Variants in MICAL3 observed in about 807,000 individuals in gnomAD.
MICAL3 encodes [F-actin]-monooxygenase MICAL3.
MICAL3 carries 62 observed loss-of-function variants against 207.4 expected under a neutral mutation model. The ratio of observed to expected loss-of-function variants is 0.30; its 90% CI spans 0.24 to 0.37. The LOEUF is 0.37. Among genes scored for constraint, MICAL3 ranks in the 10% least tolerant of loss-of-function variants. The pLI, the probability that MICAL3 is intolerant of heterozygous loss-of-function variation, is 1.00. For missense variants in MICAL3, 2,368 were observed against 2,635.6 expected, an observed-to-expected ratio of 0.90 and a Z score of 2.22; for synonymous variants, 1,077 against 1,069.3, an observed-to-expected ratio of 1.01 and a Z score of -0.14.
intron 3 of MICAL3, among the ~76,000 whole-genome samples, chr22:17,904,420 T>TAC (rs972188843): frequency 6.6e-6 from 1 of 152,214 alleles, no homozygotes; most frequent in African/African-American, 2.4e-5. Flanking sequence ...AGGTTATCGA[T>TAC]ACACTCACAT....
intron 1 of MICAL3, among the ~76,000 whole-genome samples, chr22:17,962,279 G>A (rs1228880960): frequency 3.3e-5 from 5 of 152,350 alleles, no homozygotes; most frequent in Admixed American, 6.5e-5. Context: ...CAGGCAGGCT[G>A]TCGGGGTACA....
chr22:17,972,678 G>A (rs978446453), intron 1 of MICAL3, among the ~76,000 whole-genome samples: 3 of 152,174 alleles, frequency 2.0e-5, no homozygotes, highest in African/African-American at 7.2e-5. Flanking sequence ...GAGTAAGACT[G>A]TCTGCCCCAG....
intron 1 of MICAL3, among the ~76,000 whole-genome samples, chr22:17,940,299 G>A (rs1933748215): frequency 6.6e-6 from 1 of 152,234 alleles, no homozygotes; most frequent in Non-Finnish European, 1.5e-5. Context: ...CAGCTACTCA[G>A]GGGGCTGAGG....
chr22:17,897,058 C>G, intron 7 of MICAL3, 77 bp from the exon 8 acceptor site: 1 of 1,462,708 alleles, frequency 6.8e-7, no homozygotes, highest in Non-Finnish European at 9.2e-7. Flanking sequence ...CAACCCAGGG[C>G]CACAGCTTCT....
chr22:17,845,863 G>T (rs1924580968), intron 19 of MICAL3, among the ~76,000 whole-genome samples: 1 of 152,192 alleles, frequency 6.6e-6, no homozygotes, highest in Admixed American at 6.5e-5. Context: ...AAAGCTTCTT[G>T]GAGCAGAGAA....
In MICAL3 at chr22:17,818,645, C is replaced by G. The variant is rs773851616; in HGVS notation, c.4016G>C (p.Gly1339Ala). 6.2e-7 allele frequency: 1 copy of G among 1,613,644 alleles called. No individual in the cohort carries two copies. The highest frequency in any genetic ancestry group is 1.7e-5 in the Admixed American group (1 of 60,026). Residue 1339 changes from glycine (G) to alanine (A), a missense_variant, in exon 26 of 32, where the codon GGG (glycine) becomes GCG (alanine). Gly to Ala is a moderately conservative substitution (Grantham distance 60). Coordinates refer to ENST00000441493, the MANE Select transcript of MICAL3 (RefSeq NM_015241.3). ...MKSAEIRRSL[G>A]LTPVDRSKGP... Reference sequence around the variant, plus strand: ...CTTGCTGCGGTCCACAGGTGTGAGCCCGAGGCTGCGGCGGATCTCCGCACT... The same window carrying G: ...CTTGCTGCGGTCCACAGGTGTGAGCGCGAGGCTGCGGCGGATCTCCGCACT...
chr22:17,911,026 GA>G (rs3885498), intron 1 of MICAL3, among the ~76,000 whole-genome samples: 90,808 of 151,914 alleles, frequency 0.6, 28,249 homozygotes, highest in African/African-American at 0.77. Context: ...GGGGCTGGGG[GA>G]GGAAGAGGAG....
At chr22:18,011,732 CA>C (rs57778619) in intron 1 of MICAL3, among the ~76,000 whole-genome samples, 1,895 of 144,356 alleles carry the variant, frequency 0.013, 37 homozygotes, top group African/African-American at 0.042. Context: ...ATTAAATATA[CA>C]AAAAAAAAAT....
At chr22:17,994,881 CGAATCTCCTGCCAGAGTTAACCAGACT>C (rs1482888818) in intron 1 of MICAL3, among the ~76,000 whole-genome samples, 17 of 152,050 alleles carry the variant, frequency 1.1e-4, no homozygotes, top group African/African-American at 3.6e-4. Flanking sequence ...TTAACCAGAC[CGAATCTCCTGCCAGAGTTAACCAGACT>C]GAATCCTTCA....
intron 1 of MICAL3, among the ~76,000 whole-genome samples, chr22:18,023,183 AG>A (rs1037334324): frequency 3.6e-5 from 3 of 83,292 alleles, no homozygotes; most frequent in African/African-American, 2.5e-4. Context: ...TCACCTGGGA[AG>A]TTAAAAAAAA....
At chr22:17,826,083 G>C (rs1922151364) in intron 22 of MICAL3, among the ~76,000 whole-genome samples, 1 of 152,192 alleles carries the variant, frequency 6.6e-6, no homozygotes, top group Non-Finnish European at 1.5e-5. Flanking sequence ...TGGTAGGCTT[G>C]TGGAATATCT....
chr22:17,965,951 C>T (rs941043653), intron 1 of MICAL3, among the ~76,000 whole-genome samples: 4 of 152,186 alleles, frequency 2.6e-5, no homozygotes, highest in South Asian at 2.1e-4. Flanking sequence ...GACCAACCAC[C>T]GTGGGACTTC....
chr22:17,822,127 C>T lies in MICAL3; in HGVS notation c.3351G>A (p.Leu1117=). The change falls in exon 24 of 32, where the codon CTG becomes CTA. Residue 1117 remains leucine (L), a synonymous_variant. Coordinates refer to ENST00000441493, the MANE Select transcript of MICAL3 (RefSeq NM_015241.3). Reference sequence around the variant, plus strand: ...CCCCCTCAGCTGGGCACGGCAAACGCAGCTCTCTGTCAGCATCCGACGGGC... The same window carrying T: ...CCCCCTCAGCTGGGCACGGCAAACGTAGCTCTCTGTCAGCATCCGACGGGC... ...SDSPSDADRE[L]RLPCPAEGEA... 1 of 1,613,876 alleles carries T rather than the reference C, an allele frequency of 6.2e-7. No individual in the cohort carries two copies. Among genetic ancestry groups the T allele is most frequent in the East Asian group, 2.2e-5 (1 of 44,870 alleles).
Position 17,814,172 on chromosome 22 carries a change from C to A in MICAL3, c.5445+2518G>T, listed in dbSNP as rs1044355286. ...CGAGGCAGGTCAAACCCCATCCTCA[C>A]TTTAGAGCCCCTGTTCCCCACACTT... On this transcript the variant is annotated intron_variant, in intron 27 of 31. Coordinates refer to ENST00000441493, the MANE Select transcript of MICAL3 (RefSeq NM_015241.3). 4 of 152,290 alleles carry A rather than the reference C, an allele frequency of 2.6e-5. No individual in the cohort carries two copies. In the East Asian group the frequency reaches 7.7e-4, roughly 29 times the overall value. 9.4% of individuals were successfully genotyped at this position (152,290 alleles called of 1,614,324 possible).
At chr22:17,909,408 C>G (rs1424538925) in intron 1 of MICAL3, among the ~76,000 whole-genome samples, 1 of 152,184 alleles carries the variant, frequency 6.6e-6, no homozygotes, top group Non-Finnish European at 1.5e-5. Flanking sequence ...GCCTGTAATC[C>G]CAGCTATTCA....
At chr22:17,915,597 T>C (rs1050632542) in intron 1 of MICAL3, among the ~76,000 whole-genome samples, 25 of 152,146 alleles carry the variant, frequency 1.6e-4, no homozygotes, top group African/African-American at 6.0e-4. Context: ...GAACAGAATA[T>C]GGGGTTTCTC....
At chr22:17,823,505 C>A (rs1921863315) in intron 22 of MICAL3, among the ~76,000 whole-genome samples, 1 of 152,206 alleles carries the variant, frequency 6.6e-6, no homozygotes, top group Admixed American at 6.5e-5. Context: ...ATCTGAAAAT[C>A]CAAGATCCAA....
chr22:17,831,307 T>A (rs1389891874), intron 21 of MICAL3, among the ~76,000 whole-genome samples: 1 of 151,816 alleles, frequency 6.6e-6, no homozygotes, highest in African/African-American at 2.4e-5. Flanking sequence ...AATTGAAAAA[T>A]CTCAAGTCCA....
intron 12 of MICAL3, among the ~76,000 whole-genome samples, chr22:17,891,248 T>C (rs2075454): frequency 0.4 from 59,941 of 150,910 alleles, 12,491 homozygotes; most frequent in African/African-American, 0.53. Flanking sequence ...AACTCAGCTA[T>C]AGGAGCACAA....
Sources: allele counts gnomAD v4.1 joint callset (sites outside exome capture counted in the v4.1 genomes callset), GRCh38; gene constraint gnomAD v4.1.1; transcripts MANE v1.5; gene names NCBI Gene and HGNC (gene_info 2026-07-23, HGNC 2026-07-21).